The following UGT1A7 variants were observed in gnomAD, a reference collection of about 807,000 sequenced individuals.
UGT1A7 encodes UDP glucuronosyltransferase family 1 member A7, also known as UDP-glucuronosyltransferase 1A7.
A neutral mutation model predicts 45.6 loss-of-function variants in UGT1A7; 33 were observed. The ratio of observed to expected loss-of-function variants is 0.72; its 90% confidence interval spans 0.55 to 0.97. The LOEUF is 0.97. Among genes scored for constraint, UGT1A7 ranks in the 50% least tolerant of loss-of-function variants. UGT1A7 has a pLI of 0.00. For synonymous variants in UGT1A7, 274 were observed against 250.6 expected, an observed-to-expected ratio of 1.09 and a Z score of -0.88; for missense variants, 684 against 666.2, an observed-to-expected ratio of 1.03 and a Z score of -0.29.
At chr2:233,743,391 G>C in intron 1 of UGT1A7, 1 of 1,255,182 alleles carries the variant, frequency 8.0e-7, no homozygotes, top group Non-Finnish European at 1.1e-6. Context: ...AGGACATGCA[G>C]AAGGAAGAAA....
chr2:233,713,914 A>T (rs2076356497), intron 1 of UGT1A7: 2 of 1,612,536 alleles, frequency 1.2e-6, no homozygotes, highest in Admixed American at 3.3e-5. Flanking sequence ...TTTTTAAAAA[A>T]TGTATTTACT....
At chr2:233,718,734 T>C (rs2076679363) in intron 1 of UGT1A7, 3 of 1,611,626 alleles carry the variant, frequency 1.9e-6, no homozygotes, top group Non-Finnish European at 2.5e-6. Context: ...GCTAGGTGGC[T>C]CAATGACAAG....
At chr2:233,693,139 A>T (rs887728355) in intron 1 of UGT1A7, 1 of 1,614,190 alleles carries the variant, frequency 6.2e-7, no homozygotes, top group African/African-American at 1.3e-5. Context: ...TGAAGGATAT[A>T]GTTGAGGTTC....
intron 1 of UGT1A7, among the ~76,000 whole-genome samples, chr2:233,686,795 T>A (rs1401405195): frequency 2.6e-5 from 4 of 152,090 alleles, no homozygotes; most frequent in African/African-American, 9.7e-5. Flanking sequence ...TCTTTCCACC[T>A]CCCCTGTTAC....
intron 1 of UGT1A7, among the ~76,000 whole-genome samples, chr2:233,763,357 C>G (rs1698288561): frequency 6.6e-6 from 1 of 152,176 alleles, no homozygotes; most frequent in Non-Finnish European, 1.5e-5. Flanking sequence ...ATCTTTAGTA[C>G]TCCTTTGTCT....
In UGT1A7 at chr2:233,719,006, C is replaced by T. The variant is rs899895461; in HGVS notation, c.855+36214C>T. On this transcript the variant is annotated intron_variant, in intron 1 of 4. Transcript: ENST00000373426. ...GAGGCCACCAGGCGGTGGTCCTCACCCCAGAGGTGAATATGCACATCAAAG... is the reference window on the plus strand; with the variant it reads ...GAGGCCACCAGGCGGTGGTCCTCACTCCAGAGGTGAATATGCACATCAAAG... The T allele has an allele frequency of 1.9e-6, 3 of 1,614,196 alleles. No individual in the cohort carries two copies. The East Asian group carries it at 6.7e-5, about 36-fold the overall frequency.
Position 233,712,878 on chromosome 2 carries a change from C to T in UGT1A7, c.855+30086C>T, listed in dbSNP as rs555357132. ...TAACTGGAGGAGGGCACTCTGTCTT[C>T]AATTACATGTTGATTTGCTAGGTGT... On this transcript the variant is annotated intron_variant, in intron 1 of 4. Transcript: ENST00000373426. The T allele has an allele frequency of 2.2e-5, 35 of 1,595,112 alleles. No homozygotes were observed. The African/African-American group carries it at 3.5e-4, about 16-fold the overall frequency.
chr2:233,756,397 G>GTT (rs1005447677), intron 1 of UGT1A7: 1 of 151,856 alleles, frequency 6.6e-6, no homozygotes, highest in African/African-American at 2.4e-5. Flanking sequence ...TACAGTATTG[G>GTT]TTTTTTATTT....
intron 1 of UGT1A7, among the ~76,000 whole-genome samples, chr2:233,705,743 C>T (rs377625119): frequency 6.6e-6 from 1 of 152,104 alleles, no homozygotes; most frequent in East Asian, 1.9e-4. Flanking sequence ...GCAGGTAGGT[C>T]GGTAACAGAT....
At position 233,725,197 on chromosome 2, in the gene UGT1A7, CAGAGGCAGAGGCAGAGGCAGA is replaced by C. The variant is rs1559370274; in HGVS notation, c.856-41836_856-41816del. ...CCGTGGGGAGAGGCAGAGGCAGAGG[CAGAGGCAGAGGCAGAGGCAGA>C]GGAGGCAGAGGCAGAGGAGGCAGAG... is the stretch of plus-strand genomic sequence containing the variant. On this transcript the variant is annotated intron_variant, in intron 1 of 4. Transcript: ENST00000373426. Among the ~76,000 whole-genome samples the C allele has an allele frequency of 9.0e-4, 74 of 81,846 alleles. 30 individuals carry two copies. Among genetic ancestry groups the C allele is most frequent in the African/African-American group, 7.3e-3 (68 of 9,378 alleles). 53.7% of individuals were successfully genotyped at this position (81,846 alleles called of 152,430 possible).
chr2:233,722,240 A>G (rs538416824), intron 1 of UGT1A7, among the ~76,000 whole-genome samples: 40 of 152,326 alleles, frequency 2.6e-4, no homozygotes, highest in Middle Eastern at 6.8e-3. Flanking sequence ...ATCATGTATT[A>G]TCTGTGACAG....
rs190315696 is a variant in UGT1A7 at position 233,744,277 on chromosome 2, A to G, written c.856-22757A>G. On this transcript the variant is annotated intron_variant, in intron 1 of 4. Transcript: ENST00000373426. Reference sequence around the variant, plus strand: ...AACTGTTTTTCTTAAAGTAGGCTTTATATCAGTCTTTTTCCTCGGCCACAG... The same window carrying G: ...AACTGTTTTTCTTAAAGTAGGCTTTGTATCAGTCTTTTTCCTCGGCCACAG... 2.4e-3 allele frequency among the ~76,000 whole-genome samples: 368 copies of G among 151,920 alleles called. 17 individuals carry two copies. Among genetic ancestry groups the G allele is most frequent in the African/African-American group, 8.5e-3 (350 of 41,184 alleles).
intron 1 of UGT1A7, chr2:233,692,833 A>T: frequency 6.9e-7 from 1 of 1,445,682 alleles, no homozygotes; most frequent in East Asian, 2.5e-5. Context: ...TGTGATTAAA[A>T]TGGTTAAATA....
At chr2:233,684,325 G>A (rs2074674405) in intron 1 of UGT1A7, among the ~76,000 whole-genome samples, 1 of 152,152 alleles carries the variant, frequency 6.6e-6, no homozygotes, top group Admixed American at 6.5e-5. Context: ...CAAGTTGTAG[G>A]ACGCTAAGAG....
intron 1 of UGT1A7, among the ~76,000 whole-genome samples, chr2:233,707,386 G>GCT (rs141377295): frequency 0.021 from 3,268 of 152,146 alleles, 114 homozygotes; most frequent in African/African-American, 0.075. Flanking sequence ...GCATCCATGA[G>GCT]CTATTCTTTT....
chr2:233,695,130 C>CTTTCTTTTTTTTTTT (rs1364557158), intron 1 of UGT1A7, among the ~76,000 whole-genome samples: 3 of 138,838 alleles, frequency 2.2e-5, no homozygotes, highest in South Asian at 2.3e-4. Flanking sequence ...CTTTTCTTTT[C>CTTTCTTTTTTTTTTT]TTTTTTTTTT....
In UGT1A7 at chr2:233,683,409, C is replaced by T. The variant is rs189182574; in HGVS notation, c.855+617C>T. Among the ~76,000 whole-genome samples, 90 of 152,140 alleles carry T rather than the reference C, an allele frequency of 5.9e-4. 1 individual carries two copies. The highest frequency in any genetic ancestry group is 5.2e-3 in the Admixed American group (79 of 15,282). On this transcript the variant is annotated intron_variant, in intron 1 of 4. Coordinates refer to ENST00000373426, the MANE Select transcript of UGT1A7 (RefSeq NM_019077.3). The stretch of plus-strand genomic sequence containing the variant: ...GATTGATAGAGATTTAAGTGTTTTC[C>T]ACTTTTGGGGTTTATGAGCAATAAT...
chr2:233,753,309 CCT>C (rs1299890388), intron 1 of UGT1A7: 3 of 152,212 alleles, frequency 2.0e-5, no homozygotes, highest in African/African-American at 7.2e-5. Context: ...CCCGTGTGCC[CCT>C]GTGGGATGGT....
chr2:233,744,938 G>A (rs940061009), intron 1 of UGT1A7, among the ~76,000 whole-genome samples: 6 of 151,930 alleles, frequency 3.9e-5, no homozygotes, highest in African/African-American at 1.5e-4. Flanking sequence ...AAATGACACA[G>A]TATTTGTATA....
Sources: allele counts gnomAD v4.1 joint callset (sites outside exome capture counted in the v4.1 genomes callset), GRCh38; gene constraint gnomAD v4.1.1; transcripts MANE v1.5; gene names NCBI Gene and HGNC (gene_info 2026-07-23, HGNC 2026-07-21).